Variants in FAM149A observed in about 807,000 individuals in gnomAD.
The protein encoded by FAM149A is protein FAM149A.
In FAM149A, 71 loss-of-function variants were observed where a neutral mutation model predicts 78.2. The observed-to-expected ratio is 0.91, with a 90% confidence interval of 0.75 to 1.11. The LOEUF (loss-of-function observed/expected upper bound fraction) is 1.11. Ranked by LOEUF, FAM149A falls within the 50% of genes least tolerant of loss-of-function variation. FAM149A has a pLI of 0.00. For missense variants in FAM149A, 1,036 were observed against 971.0 expected, an observed-to-expected ratio of 1.07 and a Z score of -0.89; for synonymous variants, 446 against 410.5, an observed-to-expected ratio of 1.09 and a Z score of -1.04.
intron 1 of FAM149A, chr4:186,116,679 C>T (rs1260516881): frequency 2.1e-6 from 2 of 951,658 alleles, no homozygotes; most frequent in Non-Finnish European, 2.5e-6. Context: ...CTCACTGCAA[C>T]CTCTGCGTCC....
chr4:186,159,941 GAC>G (rs1179263494), intron 8 of FAM149A, among the ~76,000 whole-genome samples: 1 of 138,022 alleles, frequency 7.2e-6, no homozygotes, highest in Non-Finnish European at 1.6e-5. Context: ...ACCACACACA[GAC>G]ACACACCACA....
At chr4:186,145,129 A>G in intron 1 of FAM149A, 1 of 985,594 alleles carries the variant, frequency 1.0e-6, no homozygotes, top group Middle Eastern at 5.2e-4. Flanking sequence ...CTCATCCGGC[A>G]GCAGGGCTCG....
chr4:186,123,752 C>A (rs755587728), intron 1 of FAM149A: 2 of 786,160 alleles, frequency 2.5e-6, no homozygotes, highest in African/African-American at 3.7e-5. Context: ...CTCTAAGCAT[C>A]CACAAAATTG....
At chr4:186,170,379 G>A (rs1428614466) in intron 13 of FAM149A, among the ~76,000 whole-genome samples, 7 of 152,210 alleles carry the variant, frequency 4.6e-5, no homozygotes, top group Admixed American at 2.6e-4. Context: ...AGCAGATAAC[G>A]CAGTGCCTGG....
chr4:186,117,539 A>G (rs1387007229), intron 1 of FAM149A: 2 of 985,296 alleles, frequency 2.0e-6, no homozygotes, highest in African/African-American at 3.5e-5. Context: ...GGGCACATGG[A>G]CACCTGGGGC....
rs545978822 is a variant in FAM149A at position 186,150,902 on chromosome 4, A to G, written c.790-1001A>G. 1.6e-4 allele frequency: 35 copies of G among 218,072 alleles called. No individual in the cohort carries two copies. The East Asian group carries it at 5.3e-3, about 33-fold the overall frequency. 13.5% of individuals were successfully genotyped at this position (218,072 alleles called of 1,614,324 possible). A position where few individuals can be genotyped will look rare whatever the true frequency, so the allele number is the denominator to read the frequency against. On this transcript the variant is annotated intron_variant, in intron 3 of 13. Transcript: ENST00000389354. ...ATGCCCAGTTAATTTTTGTATTTTT[A>G]GTAGAGACGGTGTTTCACCATGTTG...
intron 8 of FAM149A, 140 bp from the exon 9 acceptor site, chr4:186,162,705 C>T: frequency 1.6e-6 from 1 of 607,336 alleles, no homozygotes. Flanking sequence ...TAAAATATAT[C>T]CCCTTTATTA....
chr4:186,136,124 G>A (rs2126380330), intron 1 of FAM149A, among the ~76,000 whole-genome samples: 1 of 152,302 alleles, frequency 6.6e-6, no homozygotes, highest in Middle Eastern at 3.4e-3. Flanking sequence ...CTGCTGTGCT[G>A]TTTAAAAGAG....
intron 13 of FAM149A, among the ~76,000 whole-genome samples, chr4:186,168,095 G>A (rs10007123): frequency 0.072 from 11,017 of 152,166 alleles, 1,337 homozygotes; most frequent in African/African-American, 0.25. Flanking sequence ...AATAAATTTC[G>A]TAACATGTAA....
At chr4:186,169,508 GCT>G (rs982965426) in intron 13 of FAM149A, 3 of 984,022 alleles carry the variant, frequency 3.0e-6, no homozygotes, top group Non-Finnish European at 3.6e-6. Flanking sequence ...AAAATGGAAA[GCT>G]CTTTCTTTCC....
In FAM149A at chr4:186,164,607, T is replaced by TCCCTCCTCCGCCTCGCTTCCCCCC; in HGVS notation, c.1890-736_1890-713dup. The TCCCTCCTCCGCCTCGCTTCCCCCC allele has an allele frequency of 2.1e-6, 1 of 482,286 alleles. No homozygotes were observed. The highest frequency in any genetic ancestry group is 2.1e-5 in the African/African-American group (1 of 47,386). 29.9% of individuals were successfully genotyped at this position (482,286 alleles called of 1,614,324 possible). A position where few individuals can be genotyped will look rare whatever the true frequency, so the allele number is the denominator to read the frequency against. Reference sequence around the variant, plus strand: ...TGTGCTGATTCCTTCGAGATCCCTCTCCCTCCTCCGCCTCGCTTCCCCCCA... The same window carrying TCCCTCCTCCGCCTCGCTTCCCCCC: ...TGTGCTGATTCCTTCGAGATCCCTCTCCCTCCTCCGCCTCGCTTCCCCCCCCCTCCTCCGCCTCGCTTCCCCCCA... On this transcript the variant is annotated intron_variant, in intron 10 of 13. Coordinates refer to ENST00000389354, the MANE Select transcript of FAM149A (RefSeq NM_001367768.3). The surrounding 1 kb of genome is among the most constrained non-coding windows in gnomAD (Gnocchi z 4.0).
intron 1 of FAM149A, chr4:186,132,215 A>G (rs1434489957): frequency 2.0e-6 from 2 of 985,320 alleles, no homozygotes; most frequent in Non-Finnish European, 2.4e-6. Context: ...CTATATCTGA[A>G]AAGTAAGCCA....
At chr4:186,113,256 T>C (rs2099312064) in intron 1 of FAM149A, among the ~76,000 whole-genome samples, 1 of 102,696 alleles carries the variant, frequency 9.7e-6, no homozygotes, top group Non-Finnish European at 2.0e-5. Flanking sequence ...CCCTTTATCA[T>C]TTTTTATTGT....
intron 8 of FAM149A, chr4:186,160,973 G>C: frequency 1.4e-6 from 1 of 710,718 alleles, no homozygotes; most frequent in Non-Finnish European, 1.7e-6. Flanking sequence ...AGAATTAAAG[G>C]AGATAAAACA....
intron 1 of FAM149A, among the ~76,000 whole-genome samples, chr4:186,129,606 T>C (rs2099319713): frequency 6.6e-6 from 1 of 152,140 alleles, no homozygotes; most frequent in South Asian, 2.1e-4. Flanking sequence ...GACCAGCAAA[T>C]AGAGCAGCAC....
At chr4:186,146,779 C>T (rs1733080320) in intron 1 of FAM149A, 1 of 984,300 alleles carries the variant, frequency 1.0e-6, no homozygotes, top group African/African-American at 1.7e-5. Flanking sequence ...TGTCTTGAAT[C>T]TGGGGAATAT....
At position 186,137,268 on chromosome 4, in the gene FAM149A, A is replaced by G. The variant is rs963386614; in HGVS notation, c.567-11905A>G. On this transcript the variant is annotated intron_variant, in intron 1 of 13. Coordinates refer to ENST00000389354, the MANE Select transcript of FAM149A (RefSeq NM_001367768.3). ...CTGACCCTCTTTTTTTTTTTTCTATATAAAAGAGTAGCCACCTTTCAGGTG... is the reference window on the plus strand; with the variant it reads ...CTGACCCTCTTTTTTTTTTTTCTATGTAAAAGAGTAGCCACCTTTCAGGTG... 1.9e-4 allele frequency among the ~76,000 whole-genome samples: 29 copies of G among 149,808 alleles called. No homozygotes were observed. The East Asian group carries it at 5.5e-3, about 28-fold the overall frequency.
rs1735356529 is a variant in FAM149A at position 186,169,532 on chromosome 4, C to CT, written c.2218+2271dup. On this transcript the variant is annotated intron_variant, in intron 13 of 13. Coordinates refer to ENST00000389354, the MANE Select transcript of FAM149A (RefSeq NM_001367768.3). ...AGCTCTTTCTTTCCTCCTGAGCACT[C>CT]TGTCAACGTCAGCCCACCACGCTGC... The CT allele has an allele frequency of 6.1e-6, 6 of 985,460 alleles. No individual in the cohort carries two copies. In the South Asian group the frequency reaches 2.8e-4, roughly 46 times the overall value. 61.0% of individuals were successfully genotyped at this position (985,460 alleles called of 1,614,324 possible).
chr4:186,153,711 T>C lies in FAM149A; in HGVS notation c.999T>C (p.Pro333=), dbSNP rs202058396. 3.7e-5 allele frequency: 60 copies of C among 1,614,150 alleles called. No homozygotes were observed. In the East Asian group the frequency reaches 1.3e-3, roughly 35 times the overall value. The stretch of plus-strand genomic sequence containing the variant: ...TCCAGCATTTCCAGGGCAGCACTCC[T>C]GCCTCCGCAGTCCACAGACCCCCGC... Residue 333 remains proline, a synonymous_variant, in exon 5 of 14, where the codon CCT becomes CCC. Coordinates refer to ENST00000389354, the MANE Select transcript of FAM149A (RefSeq NM_001367768.3).
Sources: gnomAD v4.1 joint callset for allele counts (sites outside exome capture counted in the v4.1 genomes callset) on GRCh38, gnomAD v4.1.1 for gene constraint, Gnocchi (gnomAD v3.1) non-coding constraint, MANE v1.5 for transcripts, NCBI Gene and HGNC (gene_info 2026-07-23, HGNC 2026-07-21) for gene names.